NFASC: variants seen among roughly 807,000 people sequenced by gnomAD.
NFASC encodes the protein neurofascin homolog.
A neutral mutation model predicts 147.5 loss-of-function variants in NFASC; 43 were observed. That is an observed-to-expected ratio of 0.29 (90% CI 0.23 to 0.38). NFASC has a LOEUF of 0.38. Among genes scored for constraint, NFASC ranks in the 10% least tolerant of loss-of-function variants. The probability of loss-of-function intolerance (pLI) is 1.00; values close to 1 mark genes in which losing one functional copy is unlikely to be tolerated. For synonymous variants in NFASC, 622 were observed against 665.5 expected, an observed-to-expected ratio of 0.93 and a Z score of 1.01; for missense variants, 1,320 against 1,689.0, an observed-to-expected ratio of 0.78 and a Z score of 3.83.
At chr1:204,870,009 A>G (rs2077458429) in intron 1 of NFASC, among the ~76,000 whole-genome samples, 1 of 152,172 alleles carries the variant, frequency 6.6e-6, no homozygotes, top group African/African-American at 2.4e-5. Context: ...ATGTTTTTCC[A>G]AACTCCCTTC....
At chr1:204,957,909 T>G in intron 8 of NFASC, 83 bp downstream of exon 8, 1 of 1,317,426 alleles carries the variant, frequency 7.6e-7, no homozygotes, top group Non-Finnish European at 1.1e-6. Context: ...CCTGAGTCTA[T>G]AGGGGGAGAC....
intron 8 of NFASC, among the ~76,000 whole-genome samples, chr1:204,959,658 C>T (rs574550376): frequency 6.6e-6 from 1 of 152,340 alleles, no homozygotes; most frequent in East Asian, 1.9e-4. Context: ...TAGAAATCGG[C>T]CTGCTGCTTT....
chr1:205,013,258 T>C (rs921234003), intron 29 of NFASC, among the ~76,000 whole-genome samples: 1 of 152,230 alleles, frequency 6.6e-6, no homozygotes, highest in African/African-American at 2.4e-5. Context: ...GCTCTCATGC[T>C]GATTCTCTGC....
chr1:205,021,717 ATACCTCTTTACTGCG>A lies in NFASC; in HGVS notation c.*5180_*5194del, dbSNP rs2096401728. 1 of 153,332 alleles carries A rather than the reference ATACCTCTTTACTGCG, an allele frequency of 6.5e-6. No homozygotes were observed. The highest frequency in any genetic ancestry group is 1.9e-4 in the East Asian group (1 of 5,194). The allele number at this position is 153,332 out of a possible 1,614,324, so 9.5% of individuals were successfully genotyped here. A position where few individuals can be genotyped will look rare whatever the true frequency, so the allele number is the denominator to read the frequency against. ...ATCTGTCCTTCTGGTTCACCCTCTCATACCTCTTTACTGCGTCTCCCACATCCCCCACATGCCTCC... is the reference window on the plus strand; with the variant it reads ...ATCTGTCCTTCTGGTTCACCCTCTCATCTCCCACATCCCCCACATGCCTCC... On this transcript the variant is annotated 3_prime_UTR_variant, in exon 30 of 30. Coordinates refer to ENST00000339876, the MANE Select transcript of NFASC (RefSeq NM_001005388.3).
At chr1:204,937,465 C>T (rs561771898) in intron 2 of NFASC, among the ~76,000 whole-genome samples, 3 of 152,316 alleles carry the variant, frequency 2.0e-5, no homozygotes, top group African/African-American at 7.2e-5. Context: ...CTATTCATCC[C>T]TCAACCTGCA....
intron 15 of NFASC, among the ~76,000 whole-genome samples, 199 bp from the exon 16 acceptor site, chr1:204,976,472 C>T (rs1377602341): frequency 6.6e-6 from 1 of 152,184 alleles, no homozygotes; most frequent in African/African-American, 2.4e-5. Flanking sequence ...CTCTCTGTTC[C>T]CCTCCATCAA....
intron 1 of NFASC, among the ~76,000 whole-genome samples, chr1:204,888,489 T>C (rs557630194): frequency 6.6e-6 from 1 of 152,300 alleles, no homozygotes; most frequent in African/African-American, 2.4e-5. Context: ...AAACTAACTG[T>C]CCTTCTAGGG....
In NFASC at chr1:204,974,221, G is replaced by A. The variant is rs2095343184; in HGVS notation, c.1322G>A (p.Arg441Gln). 5 of 1,614,004 alleles carry A rather than the reference G, an allele frequency of 3.1e-6. No individual in the cohort carries two copies. Among genetic ancestry groups the A allele is most frequent in the East Asian group, 2.2e-5 (1 of 44,882 alleles). The change falls in exon 13 of 30, where the codon CGA becomes CAA. Residue 441 changes from arginine to glutamine, a missense_variant. Transcript: ENST00000339876. Reference sequence around the variant, plus strand: ...CTGTCGCCCCGGAACCAGCTCATTCGAGTGATTCTTTACAACCGGACGCGG... The same window carrying A: ...CTGTCGCCCCGGAACCAGCTCATTCAAGTGATTCTTTACAACCGGACGCGG... ...RMLSPRNQLI[R>Q]VILYNRTRLD... is the part of the protein sequence containing the mutation.
chr1:204,987,208 G>A lies in NFASC; in HGVS notation c.2471-210G>A, dbSNP rs545323946. The A allele has an allele frequency of 1.3e-4, 74 of 580,000 alleles. No homozygotes were observed. In the African/African-American group the frequency reaches 1.3e-3, roughly 10 times the overall value. The allele number at this position is 580,000 out of a possible 1,614,324, so 35.9% of individuals were successfully genotyped here. ...TCTTAAATAGCAGAGTCTGAGCTAT[G>A]TTTGTCCTCAGACCTGAAGGAAATA... On this transcript the variant is annotated intron_variant, in intron 21 of 29. Coordinates refer to ENST00000339876, the MANE Select transcript of NFASC (RefSeq NM_001005388.3). This position sits in a 1 kb window ranked among gnomAD's most constrained non-coding sequence, Gnocchi z 4.4.
chr1:205,014,085 C>G (rs1174703092), intron 29 of NFASC, among the ~76,000 whole-genome samples: 1 of 152,214 alleles, frequency 6.6e-6, no homozygotes, highest in Non-Finnish European at 1.5e-5. Flanking sequence ...GCTTCTCCTC[C>G]CCCAGACTCT....
intron 27 of NFASC, 174 bp from the exon 28 acceptor site, chr1:205,009,380 AATT>A (rs1380256651): frequency 3.9e-6 from 3 of 770,746 alleles, no homozygotes; most frequent in Non-Finnish European, 7.0e-6. Flanking sequence ...TTGGCTCTTT[AATT>A]ATTTTCTTTT....
intron 1 of NFASC, among the ~76,000 whole-genome samples, chr1:204,874,662 A>G (rs1214393428): frequency 6.6e-6 from 1 of 151,652 alleles, no homozygotes; most frequent in Non-Finnish European, 1.5e-5. Flanking sequence ...TACCCTCCCC[A>G]CCTAGGCCTG....
chr1:204,948,624 G>A, intron 3 of NFASC: 1 of 519,076 alleles, frequency 1.9e-6, no homozygotes, highest in Non-Finnish European at 3.8e-6. Context: ...CCAGGCACTG[G>A]GAGAGCTGGT....
At position 204,843,594 on chromosome 1, in the gene NFASC, TC is replaced by T. The variant is rs1457493968; in HGVS notation, c.-200+14814del. ...TCTCCTTCCTTCTTTCCTTCTTCCT[TC>T]CTTCCTTCCTTCCTTCCTTCCTTCC... On this transcript the variant is annotated intron_variant, in intron 1 of 29. Coordinates refer to ENST00000339876, the MANE Select transcript of NFASC (RefSeq NM_001005388.3). Among the ~76,000 whole-genome samples, 432 of 82,996 alleles carry T rather than the reference TC, an allele frequency of 5.2e-3. 2 individuals are homozygous for T. The highest frequency in any genetic ancestry group is 0.024 in the African/African-American group (405 of 17,152). 54.4% of individuals were successfully genotyped at this position (82,996 alleles called of 152,430 possible).
In NFASC at chr1:205,009,621, C is replaced by T. The variant is rs765960540; in HGVS notation, c.3354C>T (p.Ile1118=). 8.1e-6 allele frequency: 13 copies of T among 1,613,996 alleles called. No homozygotes were observed. The highest frequency in any genetic ancestry group is 6.6e-5 in the South Asian group (6 of 91,090). ...GGTTCATTGGGCTTATGTGCGCCAT[C>T]GCCCTCCTGGTGCTGATCCTGCTCA... The part of the protein sequence containing the change: ...QGWFIGLMCA[I]ALLVLILLIV... Residue 1118 remains isoleucine (I), a synonymous_variant, in exon 28 of 30, where the codon ATC becomes ATT. Coordinates refer to ENST00000339876, the MANE Select transcript of NFASC (RefSeq NM_001005388.3).
At chr1:205,006,096 T>C (rs558220192) in intron 27 of NFASC, among the ~76,000 whole-genome samples, 1 of 152,328 alleles carries the variant, frequency 6.6e-6, no homozygotes, top group East Asian at 1.9e-4. Flanking sequence ...CAAACACATG[T>C]TGAAGTAATT....
At chr1:204,879,595 C>T (rs953950105) in intron 1 of NFASC, among the ~76,000 whole-genome samples, 2 of 152,208 alleles carry the variant, frequency 1.3e-5, no homozygotes, top group Non-Finnish European at 2.9e-5. Context: ...TGTGCTTTCT[C>T]ATAGGATCTG....
At position 204,841,413 on chromosome 1, in the gene NFASC, ATTAG is replaced by A. The variant is rs1558482685; in HGVS notation, c.-200+12637_-200+12640del. The stretch of plus-strand genomic sequence containing the variant: ...GCCTCCTTGTTTGGCTGTTGCTTGT[ATTAG>A]TTAGTGAGATAAGAGTCTGAGTATC... On this transcript the variant is annotated intron_variant, in intron 1 of 29. Transcript: ENST00000339876. Among the ~76,000 whole-genome samples the A allele has an allele frequency of 3.3e-5, 5 of 152,290 alleles. No individual in the cohort carries two copies. In the South Asian group the frequency reaches 1.0e-3, roughly 32 times the overall value.
chr1:204,915,051 A>G (rs538125742), intron 1 of NFASC, among the ~76,000 whole-genome samples: 71 of 152,278 alleles, frequency 4.7e-4, no homozygotes, highest in Non-Finnish European at 7.8e-4. Context: ...AGGCCGAGAC[A>G]GGTGGATCAC....
Sources: allele counts gnomAD v4.1 joint callset (sites outside exome capture counted in the v4.1 genomes callset), GRCh38; gene constraint gnomAD v4.1.1; non-coding constraint Gnocchi (gnomAD v3.1); transcripts MANE v1.5; gene names NCBI Gene and HGNC (gene_info 2026-07-23, HGNC 2026-07-21).